PTPRD: variants seen among roughly 807,000 people sequenced by gnomAD.
The protein encoded by PTPRD is receptor-type tyrosine-protein phosphatase delta.
Under a neutral mutation model 214.5 loss-of-function variants are expected in PTPRD, and 34 were observed. The observed-to-expected ratio is 0.16, with a 90% CI of 0.12 to 0.21. PTPRD has a LOEUF of 0.21. Ranked by LOEUF, PTPRD falls within the 10% of genes least tolerant of loss-of-function variation. The probability of loss-of-function intolerance (pLI) is 1.00; values close to 1 mark genes in which losing one functional copy is unlikely to be tolerated. For synonymous variants in PTPRD, 1,128 were observed against 845.7 expected, an observed-to-expected ratio of 1.33 and a Z score of -5.79; for missense variants, 2,545 against 2,398.7, an observed-to-expected ratio of 1.06 and a Z score of -1.27.
intron 2 of PTPRD, among the ~76,000 whole-genome samples, chr9:10,383,917 T>C (rs2097864468): frequency 6.6e-6 from 1 of 151,760 alleles, no homozygotes; most frequent in African/African-American, 2.4e-5. Context: ...CTTAAGAATA[T>C]TAACCATAGG....
chr9:9,677,626 A>C (rs556797008), intron 7 of PTPRD, among the ~76,000 whole-genome samples: 1 of 152,192 alleles, frequency 6.6e-6, no homozygotes, highest in African/African-American at 2.4e-5. Context: ...TGAATGGACA[A>C]AAACTGGAAG....
intron 11 of PTPRD, among the ~76,000 whole-genome samples, chr9:8,918,752 G>A (rs983459855): frequency 2.6e-5 from 4 of 151,932 alleles, no homozygotes; most frequent in African/African-American, 9.7e-5. Flanking sequence ...ATTTCTATTC[G>A]GATACTTTAA....
At chr9:8,929,743 GTGTATATATATA>G (rs2098932618) in intron 11 of PTPRD, among the ~76,000 whole-genome samples, 7 of 77,996 alleles carry the variant, frequency 9.0e-5, no homozygotes, top group Non-Finnish European at 1.3e-4. Context: ...GTATATATAT[GTGTATATATATA>G]TGTATATATA....
chr9:10,201,332 A>AT (rs1455470140), intron 3 of PTPRD, among the ~76,000 whole-genome samples: 2 of 152,056 alleles, frequency 1.3e-5, no homozygotes, highest in Non-Finnish European at 1.5e-5. Context: ...AGTTATAATG[A>AT]TAAAAAGGTG....
intron 3 of PTPRD, among the ~76,000 whole-genome samples, chr9:10,119,241 A>G (rs1441103042): frequency 6.6e-6 from 1 of 151,894 alleles, no homozygotes; most frequent in Admixed American, 6.6e-5. Flanking sequence ...CAATAATCCT[A>G]TAAGGCAGAG....
chr9:10,505,255 C>T (rs1013050948), intron 2 of PTPRD, among the ~76,000 whole-genome samples: 1 of 152,182 alleles, frequency 6.6e-6, no homozygotes, highest in Non-Finnish European at 1.5e-5. Flanking sequence ...GTTGCAGTCA[C>T]TGGTGACAGT....
At chr9:8,337,617 G>A (rs994306080) in intron 43 of PTPRD, among the ~76,000 whole-genome samples, 1 of 151,312 alleles carries the variant, frequency 6.6e-6, no homozygotes, top group Non-Finnish European at 1.5e-5. Flanking sequence ...CAGACAAACA[G>A]CAAATGTAGT....
intron 5 of PTPRD, among the ~76,000 whole-genome samples, chr9:9,888,548 C>T (rs117230118): frequency 0.017 from 2,537 of 152,176 alleles, 33 homozygotes; most frequent in Middle Eastern, 0.041. Flanking sequence ...GCTCTATGAA[C>T]GAGCTCCTGG....
intron 39 of PTPRD, among the ~76,000 whole-genome samples, chr9:8,344,548 G>A (rs749288066): frequency 9.9e-5 from 15 of 151,794 alleles, no homozygotes; most frequent in Admixed American, 4.6e-4. Flanking sequence ...GCTATGACTT[G>A]AACAAAACCT....
At chr9:8,903,152 T>G (rs1225432221) in intron 11 of PTPRD, among the ~76,000 whole-genome samples, 1 of 152,136 alleles carries the variant, frequency 6.6e-6, no homozygotes, top group Non-Finnish European at 1.5e-5. Flanking sequence ...TATTCTTTTT[T>G]TTTTTAATTC....
chr9:9,954,602 T>C (rs928709871), intron 4 of PTPRD, among the ~76,000 whole-genome samples: 3 of 152,090 alleles, frequency 2.0e-5, no homozygotes, highest in East Asian at 3.9e-4. Flanking sequence ...ACAATTAATA[T>C]AAAATCCATG....
chr9:10,338,564 G>C (rs1292179156), intron 3 of PTPRD, among the ~76,000 whole-genome samples: 7 of 151,728 alleles, frequency 4.6e-5, no homozygotes, highest in Admixed American at 4.6e-4. Context: ...TAAAGGTGTA[G>C]TGTTATCTTT....
intron 8 of PTPRD, among the ~76,000 whole-genome samples, chr9:9,510,850 T>C (rs1457756304): frequency 6.6e-6 from 1 of 151,654 alleles, no homozygotes; most frequent in Non-Finnish European, 1.5e-5. Flanking sequence ...TTTTTACTCA[T>C]TTTACATAAT....
intron 4 of PTPRD, among the ~76,000 whole-genome samples, chr9:9,968,901 A>T (rs550515592): frequency 5.3e-5 from 8 of 152,330 alleles, no homozygotes; most frequent in African/African-American, 1.9e-4. Context: ...GTTATTAAGA[A>T]TTCTTCATTG....
At position 10,319,087 on chromosome 9, in the gene PTPRD, G is replaced by T. The variant is rs575573135; in HGVS notation, c.-545+21876C>A. 2.0e-5 allele frequency among the ~76,000 whole-genome samples: 3 copies of T among 152,098 alleles called. No homozygotes were observed. In the South Asian group the frequency reaches 6.2e-4, roughly 32 times the overall value. ...AGAAATCATTCATTATAGAAAAATA[G>T]AAATAAATGTGGCAACGCACACTGT... On this transcript the variant is annotated intron_variant, in intron 3 of 45. Coordinates refer to ENST00000381196, the MANE Select transcript of PTPRD (RefSeq NM_002839.4).
At chr9:9,836,648 T>A (rs2056848514) in intron 5 of PTPRD, among the ~76,000 whole-genome samples, 1 of 152,158 alleles carries the variant, frequency 6.6e-6, no homozygotes, top group South Asian at 2.1e-4. Flanking sequence ...AACTGTGTGC[T>A]TCTATGGAGC....
At chr9:9,248,057 A>G (rs2099973838) in intron 9 of PTPRD, among the ~76,000 whole-genome samples, 1 of 151,976 alleles carries the variant, frequency 6.6e-6, no homozygotes, top group Non-Finnish European at 1.5e-5. Context: ...GTCATTGAGT[A>G]AACGGAGGAA....
chr9:10,015,545 T>C (rs1323358064), intron 4 of PTPRD, among the ~76,000 whole-genome samples: 4 of 152,188 alleles, frequency 2.6e-5, no homozygotes, highest in Middle Eastern at 3.2e-3. Flanking sequence ...AGGCAGTTAG[T>C]ATTTTATAGG....
At chr9:8,816,485 T>C (rs2096920871) in intron 11 of PTPRD, among the ~76,000 whole-genome samples, 1 of 152,138 alleles carries the variant, frequency 6.6e-6, no homozygotes, top group Admixed American at 6.5e-5. Flanking sequence ...AGCAGTATCG[T>C]TACAGGGCAC....
Sources: gnomAD v4.1 joint callset for allele counts (sites outside exome capture counted in the v4.1 genomes callset) on GRCh38, gnomAD v4.1.1 for gene constraint, MANE v1.5 for transcripts, NCBI Gene and HGNC (gene_info 2026-07-23, HGNC 2026-07-21) for gene names.